The following CPAMD8 variants were observed in gnomAD, a reference collection of about 807,000 sequenced individuals.
CPAMD8 encodes the protein C3 and PZP like alpha-2-macroglobulin domain containing 8, also known as C3 and PZP-like alpha-2-macroglobulin domain-containing protein 8.
CPAMD8 carries 146 observed loss-of-function variants against 224.7 expected under a neutral mutation model. The observed-to-expected ratio is 0.65, with a 90% confidence interval of 0.57 to 0.75. The LOEUF (loss-of-function observed/expected upper bound fraction) is 0.75, where lower values mean the gene tolerates loss of function less well. Among genes scored for constraint, CPAMD8 ranks in the 30% least tolerant of loss-of-function variants. The pLI is 0.00. For synonymous variants in CPAMD8, 966 were observed against 1,044.6 expected, an observed-to-expected ratio of 0.92 and a Z score of 1.45; for missense variants, 2,301 against 2,537.5, an observed-to-expected ratio of 0.91 and a Z score of 2.00.
intron 39 of CPAMD8, 187 bp downstream of exon 39, chr19:16,897,504 G>T (rs976821126): frequency 1.8e-6 from 1 of 560,310 alleles, no homozygotes; most frequent in Non-Finnish European, 3.1e-6. Flanking sequence ...CCTCCCCGCT[G>T]ACCGCTCCTC....
rs927435179 is a variant in CPAMD8, at chr19:16,923,294, G to A, written c.3548-1308C>T. On this transcript the variant is annotated intron_variant, in intron 26 of 41. Transcript: ENST00000443236. Reference sequence around the variant, plus strand: ...AGGGTCTGGACAGAAAGCTGGGGACGGGGAACCCTCCCAGTGTGCAATGAT... The same window carrying A: ...AGGGTCTGGACAGAAAGCTGGGGACAGGGAACCCTCCCAGTGTGCAATGAT... Among the ~76,000 whole-genome samples the A allele has an allele frequency of 1.9e-4, 29 of 152,210 alleles. 1 individual carries two copies. The highest frequency in any genetic ancestry group is 1.8e-3 in the Admixed American group (27 of 15,278).
chr19:16,996,160 A>G (rs564444209), intron 11 of CPAMD8, among the ~76,000 whole-genome samples: 1 of 152,110 alleles, frequency 6.6e-6, no homozygotes, highest in East Asian at 1.9e-4. Flanking sequence ...CAAAATAAAT[A>G]AATAAATAAA....
intron 22 of CPAMD8, among the ~76,000 whole-genome samples, chr19:16,940,292 C>T (rs988332533): frequency 1.1e-4 from 16 of 152,304 alleles, no homozygotes; most frequent in Non-Finnish European, 2.1e-4. Flanking sequence ...TTATGATAAA[C>T]CTATCCTACA....
Position 16,966,073 on chromosome 19 carries a change from G to A in CPAMD8, c.2213+4818C>T, listed in dbSNP as rs574947336. On this transcript the variant is annotated intron_variant, in intron 18 of 41. Transcript: ENST00000443236. Reference sequence around the variant, plus strand: ...AAAAGAACAAAGCGGGAGGCATCACGCTACCTGAGTTCAAACTATACTACA... The same window carrying A: ...AAAAGAACAAAGCGGGAGGCATCACACTACCTGAGTTCAAACTATACTACA... Among the ~76,000 whole-genome samples, 25 of 152,214 alleles carry A rather than the reference G, an allele frequency of 1.6e-4. No homozygotes were observed. In the Middle Eastern group the frequency reaches 0.01, roughly 63 times the overall value.
chr19:16,991,700 CA>C (rs1412771572), intron 12 of CPAMD8, among the ~76,000 whole-genome samples: 2 of 151,922 alleles, frequency 1.3e-5, no homozygotes, highest in Non-Finnish European at 2.9e-5. Flanking sequence ...ACTAGAAATA[CA>C]AAAATTAGCT....
At chr19:16,916,482 C>T (rs1343402579) in intron 27 of CPAMD8, among the ~76,000 whole-genome samples, 1 of 151,994 alleles carries the variant, frequency 6.6e-6, no homozygotes, top group East Asian at 1.9e-4. Flanking sequence ...AAACTCCTGA[C>T]CTCAAGTGAT....
rs748798618 is a variant in CPAMD8 at position 16,893,311 on chromosome 19, T to A, written c.5455A>T (p.Ser1819Cys). 6.5e-7 allele frequency: 1 copy of A among 1,545,368 alleles called. No homozygotes were observed. Residue 1819 changes from serine to cysteine, a missense_variant, in exon 42 of 42, where the codon AGC becomes TGC. Ser to Cys is a moderately radical substitution (Grantham distance 112). Around this residue, in one of 4 missense-constraint regions of CPAMD8, gnomAD observed 1,709 missense variants for 1,753.2 expected, o/e 0.97. Coordinates refer to ENST00000443236, the MANE Select transcript of CPAMD8 (RefSeq NM_015692.5). Reference protein sequence around the residue: ...RVTAGPRPPVSSGNLESSTQS... With the variant: ...RVTAGPRPPVCSGNLESSTQS... Reference sequence around the variant, plus strand: ...GTGCTGCTTTCCAGGTTCCCGCTGCTCACAGGAGGCCGAGGCCCGGCTGTG... The same window carrying A: ...GTGCTGCTTTCCAGGTTCCCGCTGCACACAGGAGGCCGAGGCCCGGCTGTG...
intron 34 of CPAMD8, 129 bp downstream of exon 34, chr19:16,903,432 T>C: frequency 7.3e-7 from 1 of 1,369,248 alleles, no homozygotes; most frequent in South Asian, 1.3e-5. Flanking sequence ...GCTGAAAACC[T>C]GTCCTGCAGT....
intron 29 of CPAMD8, among the ~76,000 whole-genome samples, chr19:16,909,445 G>A (rs1468892562): frequency 3.9e-5 from 6 of 152,136 alleles, no homozygotes; most frequent in Admixed American, 6.5e-5. Context: ...TCAGGAGGCT[G>A]AGGTGGAAGA....
At chr19:17,020,061 G>A (rs57592326) in intron 3 of CPAMD8, among the ~76,000 whole-genome samples, 1,512 of 138,908 alleles carry the variant, frequency 0.011, 23 homozygotes, top group African/African-American at 0.037. Flanking sequence ...AGCATCCTCC[G>A]CCTCCCAGGT....
At chr19:17,002,120 G>T in intron 9 of CPAMD8, 146 bp downstream of exon 9, 1 of 615,536 alleles carries the variant, frequency 1.6e-6, no homozygotes, top group Non-Finnish European at 3.0e-6. Flanking sequence ...GCACACCCCA[G>T]GGAGGAGGGA....
chr19:17,025,379 T>C (rs1351193550), intron 1 of CPAMD8, among the ~76,000 whole-genome samples: 3 of 152,176 alleles, frequency 2.0e-5, no homozygotes, highest in Non-Finnish European at 2.9e-5. Context: ...GCCATTGCAC[T>C]CCAGCCTGGG....
chr19:17,026,459 C>T, intron 1 of CPAMD8, 92 bp downstream of exon 1: 1 of 1,308,196 alleles, frequency 7.6e-7, no homozygotes, highest in Non-Finnish European at 9.9e-7. Flanking sequence ...GGCTGTGTGG[C>T]CTTGGGCAGG....
chr19:16,921,055 G>A (rs2053156230), intron 27 of CPAMD8, among the ~76,000 whole-genome samples: 1 of 152,014 alleles, frequency 6.6e-6, no homozygotes, highest in Non-Finnish European at 1.5e-5. Context: ...GGCAAGGCAG[G>A]GCCCTGGGAC....
intron 12 of CPAMD8, among the ~76,000 whole-genome samples, chr19:16,992,641 G>A (rs904702139): frequency 6.6e-6 from 1 of 152,014 alleles, no homozygotes; most frequent in African/African-American, 2.4e-5. Flanking sequence ...TAGTAGAGAT[G>A]GGGTTTTGCC....
intron 13 of CPAMD8, among the ~76,000 whole-genome samples, chr19:16,988,162 T>G (rs2055812118): frequency 6.6e-6 from 1 of 152,016 alleles, no homozygotes; most frequent in Non-Finnish European, 1.5e-5. Context: ...GTGGAGAAAC[T>G]CCCAGGGCCT....
rs945273045 is a variant in CPAMD8 at position 16,896,566 on chromosome 19, G to A, written c.5165C>T (p.Pro1722Leu). 83 of 1,509,498 alleles carry A rather than the reference G, an allele frequency of 5.5e-5. No homozygotes were observed. The highest frequency in any genetic ancestry group is 6.9e-5 in the Non-Finnish European group (78 of 1,135,716). 93.5% of individuals were successfully genotyped at this position (1,509,498 alleles called of 1,614,324 possible). Reference sequence around the variant, plus strand: ...GACCACCCCGTCGGAGCCGCACACCGGGTTCCCCTGGGCGCCGCAGTCGTG... The same window carrying A: ...GACCACCCCGTCGGAGCCGCACACCAGGTTCCCCTGGGCGCCGCAGTCGTG... ...CDHDCGAQGN[P>L]VCGSDGVVYA... Residue 1722 changes from proline (P) to leucine (L), a missense_variant, in exon 40 of 42, where the codon CCG becomes CTG. Physicochemically the swap from Pro to Leu is moderately conservative, Grantham distance 98. Transcript: ENST00000443236.
intron 17 of CPAMD8, among the ~76,000 whole-genome samples, chr19:16,971,456 A>G (rs2055060017): frequency 6.6e-6 from 1 of 152,112 alleles, no homozygotes; most frequent in South Asian, 2.1e-4. Flanking sequence ...AGCACATTTG[A>G]ACTGTGCAAC....
chr19:16,976,346 G>A (rs1302452494), intron 15 of CPAMD8, among the ~76,000 whole-genome samples, 195 bp from the exon 16 acceptor site: 1 of 151,140 alleles, frequency 6.6e-6, no homozygotes, highest in African/African-American at 2.5e-5. Flanking sequence ...CATGGTGGCA[G>A]GTGCCTGTAA....
Sources: gnomAD v4.1 joint callset for allele counts (sites outside exome capture counted in the v4.1 genomes callset) on GRCh38, gnomAD v4.1.1 for gene constraint, gnomAD v4.1.1 regional missense constraint, MANE v1.5 for transcripts, NCBI Gene and HGNC (gene_info 2026-07-23, HGNC 2026-07-21) for gene names.